Variants in SUPV3L1 observed in about 807,000 individuals in gnomAD.
SUPV3L1 encodes Suv3 like RNA helicase.
SUPV3L1 carries 35 observed loss-of-function variants against 70.0 expected under a neutral mutation model. The ratio of observed to expected loss-of-function variants is 0.50; its 90% CI spans 0.38 to 0.66. The LOEUF is 0.66. Among genes scored for constraint, SUPV3L1 ranks in the 30% least tolerant of loss-of-function variants. SUPV3L1 has a pLI of 0.00. For synonymous variants in SUPV3L1, 364 were observed against 341.9 expected, an observed-to-expected ratio of 1.06 and a Z score of -0.71; for missense variants, 777 against 961.5, an observed-to-expected ratio of 0.81 and a Z score of 2.54.
chr10:69,187,491 T>C (rs1842264627), intron 3 of SUPV3L1, 151 bp from the exon 4 acceptor site: 1 of 534,774 alleles, frequency 1.9e-6, no homozygotes, highest in South Asian at 2.3e-5. Flanking sequence ...GTGGTGGGAT[T>C]GTTGACGTGA....
At chr10:69,205,420 G>T (rs981324757) in intron 13 of SUPV3L1, among the ~76,000 whole-genome samples, 1 of 151,954 alleles carries the variant, frequency 6.6e-6, no homozygotes. Flanking sequence ...TGTTGCCCAG[G>T]CTGCAGTGCA....
In SUPV3L1 at chr10:69,195,078, G is replaced by C. The variant is rs983932650; in HGVS notation, c.854-110G>C. On this transcript the variant is annotated intron_variant, in intron 6 of 14. Coordinates refer to ENST00000359655, the MANE Select transcript of SUPV3L1 (RefSeq NM_003171.5). ...AAACCTGCTGGAAAAGAGGAACCCA[G>C]TAAGTGATGGTGGTAGTGGTGATGG... The C allele has an allele frequency of 3.5e-5, 26 of 737,874 alleles. No homozygotes were observed. In the Admixed American group the frequency reaches 4.3e-4, roughly 12 times the overall value. The allele number at this position is 737,874 out of a possible 1,614,324, so 45.7% of individuals were successfully genotyped here.
chr10:69,204,375 T>G (rs1453241046), intron 13 of SUPV3L1, among the ~76,000 whole-genome samples: 1 of 152,180 alleles, frequency 6.6e-6, no homozygotes, highest in East Asian at 1.9e-4. Flanking sequence ...GGCCTGAGCA[T>G]TCTACATATG....
At chr10:69,206,442 C>T (rs1842830577) in intron 13 of SUPV3L1, among the ~76,000 whole-genome samples, 2 of 152,132 alleles carry the variant, frequency 1.3e-5, no homozygotes, top group African/African-American at 4.8e-5. Flanking sequence ...TAAACTCTTG[C>T]TTGAGGGGTC....
In SUPV3L1 at chr10:69,197,002, T is replaced by C. The variant is rs571139086; in HGVS notation, c.942T>C (p.Ala314=). ...GTTTTGCATTGACAGGACTGTGTGCTGAAGAGGTTCATTTGTGTGGAGAAC... is the reference window on the plus strand; with the variant it reads ...GTTTTGCATTGACAGGACTGTGTGCCGAAGAGGTTCATTTGTGTGGAGAAC... ...AWTRALLGLC[A]EEVHLCGEPA... The change falls in exon 8 of 15, where the codon GCT becomes GCC. Residue 314 remains alanine, a synonymous_variant. Coordinates refer to ENST00000359655, the MANE Select transcript of SUPV3L1 (RefSeq NM_003171.5). 27 of 1,614,158 alleles carry C rather than the reference T, an allele frequency of 1.7e-5. No homozygotes were observed. In the South Asian group the frequency reaches 2.6e-4, roughly 16 times the overall value.
intron 3 of SUPV3L1, among the ~76,000 whole-genome samples, 194 bp downstream of exon 3, chr10:69,186,744 A>C (rs954382786): frequency 6.6e-6 from 1 of 152,186 alleles, no homozygotes; most frequent in African/African-American, 2.4e-5. Flanking sequence ...GCTGGTTATT[A>C]CATCACCCAT....
intron 1 of SUPV3L1, among the ~76,000 whole-genome samples, chr10:69,183,198 T>C (rs1272795033): frequency 6.6e-6 from 1 of 152,220 alleles, no homozygotes; most frequent in Admixed American, 6.5e-5. Context: ...GCCCAGTTAA[T>C]GAGTCTTGTT....
intron 4 of SUPV3L1, 26 bp from the exon 5 acceptor site, chr10:69,189,241 A>C: frequency 1.2e-6 from 2 of 1,603,474 alleles, no homozygotes; most frequent in Non-Finnish European, 1.7e-6. Flanking sequence ...TTAATGGATT[A>C]AGCTGTTTAC....
intron 1 of SUPV3L1, among the ~76,000 whole-genome samples, chr10:69,184,236 A>G (rs1207526942): frequency 6.6e-6 from 1 of 152,110 alleles, no homozygotes. Context: ...CCTTGATACC[A>G]AGAAACTGTT....
intron 13 of SUPV3L1, among the ~76,000 whole-genome samples, chr10:69,206,010 CTGGA>C (rs57176107): frequency 0.76 from 114,141 of 150,900 alleles, 45,288 homozygotes; most frequent in Non-Finnish European, 0.89. Context: ...GGGCCAGCTG[CTGGA>C]TGGATGGATG....
intron 12 of SUPV3L1, among the ~76,000 whole-genome samples, 153 bp from the exon 13 acceptor site, chr10:69,202,714 G>A (rs115240237): frequency 0.017 from 2,529 of 152,294 alleles, 60 homozygotes; most frequent in African/African-American, 0.057. Context: ...AGTATTTCAG[G>A]TGGGGAAGGA....
rs748060028 is a variant in SUPV3L1, at chr10:69,189,355, T to C, written c.661T>C (p.Tyr221His). The C allele has an allele frequency of 1.2e-6, 2 of 1,614,144 alleles. No homozygotes were observed. Among genetic ancestry groups the C allele is most frequent in the South Asian group, 1.1e-5 (1 of 91,070 alleles). ...SGKTYHAIQK[Y>H]FSAKSGVYCG... ...AAAGACTTATCACGCAATCCAGAAA[T>C]ACTTCTCAGCAAAGTCTGGAGTGTA... The change falls in exon 5 of 15, where the codon TAC becomes CAC. Residue 221 changes from tyrosine to histidine, a missense_variant. Physicochemically the swap from Tyr to His is moderately conservative, Grantham distance 83. Transcript: ENST00000359655.
chr10:69,187,989 G>A (rs1445218462), intron 4 of SUPV3L1, among the ~76,000 whole-genome samples: 1 of 152,120 alleles, frequency 6.6e-6, no homozygotes, highest in Non-Finnish European at 1.5e-5. Context: ...GAATAGCCCT[G>A]ACTTAAGGAT....
At position 69,202,558 on chromosome 10, in the gene SUPV3L1, T is replaced by C. The variant is rs769155821; in HGVS notation, c.1599+39T>C. On this transcript the variant is annotated intron_variant, in intron 12 of 14. Coordinates refer to ENST00000359655, the MANE Select transcript of SUPV3L1 (RefSeq NM_003171.5). ...CCCTTTCACATCTCCCCTAAAAATG[T>C]TGATATGTCAGGTGATTACTGGTTA... 2.5e-6 allele frequency: 4 copies of C among 1,573,152 alleles called. No homozygotes were observed. The South Asian group carries it at 4.5e-5, about 18-fold the overall frequency.
At position 69,202,852 on chromosome 10, in the gene SUPV3L1, C is replaced by CTT; in HGVS notation, c.1600-9_1600-8dup. 6.2e-6 allele frequency: 10 copies of CTT among 1,606,966 alleles called. No homozygotes were observed. Among genetic ancestry groups the CTT allele is most frequent in the Non-Finnish European group, 8.5e-6 (10 of 1,176,086 alleles). On this transcript the variant is annotated splice_polypyrimidine_tract_variant and intron_variant, in intron 12 of 14. Coordinates refer to ENST00000359655, the MANE Select transcript of SUPV3L1 (RefSeq NM_003171.5). ...ACTTAGGCAGTCCAGTAATTTCTGT[C>CTT]TTTTTTTCCCCAAGGATATTTTTGT...
Position 69,207,947 on chromosome 10 carries a change from A to G in SUPV3L1, c.1925+6A>G, listed in dbSNP as rs1359397391. The stretch of plus-strand genomic sequence containing the variant: ...GATCTTTACTTGTGGCTAAGGTACC[A>G]ACATTTTTCCTTTATGTGCTCTCAT... On this transcript the variant is annotated splice_donor_region_variant and intron_variant, in intron 14 of 14. Coordinates refer to ENST00000359655, the MANE Select transcript of SUPV3L1 (RefSeq NM_003171.5). 6.2e-7 allele frequency: 1 copy of G among 1,611,874 alleles called. No individual in the cohort carries two copies. Among genetic ancestry groups the G allele is most frequent in the South Asian group, 1.1e-5 (1 of 90,702 alleles).
rs547734535 is a variant in SUPV3L1, at chr10:69,185,563, C to A, written c.272-424C>A. ...GTCTCCTAGGCTGGAGTGCAGTGGG[C>A]CCATCTCGGCTCACTGCAAGCTCCG... On this transcript the variant is annotated intron_variant, in intron 1 of 14. Coordinates refer to ENST00000359655, the MANE Select transcript of SUPV3L1 (RefSeq NM_003171.5). Among the ~76,000 whole-genome samples, 13 of 148,490 alleles carry A rather than the reference C, an allele frequency of 8.8e-5. No individual in the cohort carries two copies. The East Asian group carries it at 2.2e-3, about 25-fold the overall frequency.
At chr10:69,204,174 G>A (rs914455304) in intron 13 of SUPV3L1, among the ~76,000 whole-genome samples, 1 of 152,166 alleles carries the variant, frequency 6.6e-6, no homozygotes, top group Non-Finnish European at 1.5e-5. Context: ...ATCTACATAA[G>A]TGGTTACACT....
chr10:69,185,500 TTC>T (rs1242710429), intron 1 of SUPV3L1, among the ~76,000 whole-genome samples: 1 of 133,922 alleles, frequency 7.5e-6, no homozygotes, highest in African/African-American at 2.6e-5. Context: ...TCGATCATTT[TTC>T]TCTTTTTTTT....
Sources: gnomAD v4.1 joint callset for allele counts (sites outside exome capture counted in the v4.1 genomes callset) on GRCh38, gnomAD v4.1.1 for gene constraint, MANE v1.5 for transcripts, NCBI Gene and HGNC (gene_info 2026-07-23, HGNC 2026-07-21) for gene names.